The following CSRP3 variants were observed in gnomAD, a reference collection of about 807,000 sequenced individuals.
CSRP3 encodes cysteine and glycine rich protein 3, also known as cysteine and glycine-rich protein 3.
Under a neutral mutation model 24.3 loss-of-function variants are expected in CSRP3, and 24 were observed. The ratio of observed to expected loss-of-function variants is 0.99; its 90% CI spans 0.71 to 1.39. The LOEUF (loss-of-function observed/expected upper bound fraction) is 1.39. Ranked by LOEUF, CSRP3 falls within the 40% of genes most tolerant of loss-of-function variation. The pLI, the probability that CSRP3 is intolerant of heterozygous loss-of-function variation, is 0.00. For missense variants in CSRP3, 240 were observed against 249.0 expected, an observed-to-expected ratio of 0.96 and a Z score of 0.24; for synonymous variants, 105 against 94.0, an observed-to-expected ratio of 1.12 and a Z score of -0.68.
At chr11:19,183,803 C>T (rs1378878093) in intron 5 of CSRP3, among the ~76,000 whole-genome samples, 3 of 152,152 alleles carry the variant, frequency 2.0e-5, no homozygotes, top group Non-Finnish European at 4.4e-5. Flanking sequence ...TGTATCCCCA[C>T]CTAAATCTCA....
chr11:19,185,323 C>A (rs1850507295), intron 4 of CSRP3, among the ~76,000 whole-genome samples: 1 of 152,172 alleles, frequency 6.6e-6, no homozygotes. Context: ...CCAAAAAGAT[C>A]CAAGGAACAA....
chr11:19,188,127 G>A lies in CSRP3; in HGVS notation c.281+9C>T. The A allele has an allele frequency of 6.2e-7, 1 of 1,614,218 alleles. No individual in the cohort carries two copies. The highest frequency in any genetic ancestry group is 8.5e-7 in the Non-Finnish European group (1 of 1,180,024). On this transcript the variant is annotated intron_variant, in intron 3 of 5. Coordinates refer to ENST00000265968, the MANE Select transcript of CSRP3 (RefSeq NM_003476.5). The stretch of plus-strand genomic sequence containing the variant: ...TTAACAGGCAAGGGGGAGCAGGGCA[G>A]TAACTCACTGTTGGAACTGCAGGCC...
rs182330604 is a variant in CSRP3 at position 19,196,127 on chromosome 11, G to A, written c.-28-3651C>T. On this transcript the variant is annotated intron_variant, in intron 1 of 5. Transcript: ENST00000265968. ...AAAATACAAAAATCAGCTGGGCGTG[G>A]TGGCATGCACCTGTAGTCCCAGCTA... 1.5e-3 allele frequency among the ~76,000 whole-genome samples: 231 copies of A among 152,276 alleles called. 2 individuals are homozygous for A. The highest frequency in any genetic ancestry group is 5.2e-3 in the African/African-American group (218 of 41,568).
At chr11:19,188,561 C>G (rs778354841) in intron 2 of CSRP3, among the ~76,000 whole-genome samples, 2 of 151,686 alleles carry the variant, frequency 1.3e-5, no homozygotes, top group East Asian at 3.9e-4. Flanking sequence ...GATATATAGT[C>G]TCAGACCTGC....
intron 4 of CSRP3, among the ~76,000 whole-genome samples, chr11:19,185,386 T>A (rs1850507956): frequency 6.6e-6 from 1 of 152,132 alleles, no homozygotes; most frequent in Admixed American, 6.6e-5. Flanking sequence ...TTATGTTGAG[T>A]ATAAAGTTAC....
At position 19,197,801 on chromosome 11, in the gene CSRP3, A is replaced by G. The variant is rs558324065; in HGVS notation, c.-29+4153T>C. ...TTCAATTGTCTACACTGGCTGAAGC[A>G]AAGATTTTGGATCATAGGAACATAT... On this transcript the variant is annotated intron_variant, in intron 1 of 5. Transcript: ENST00000265968. Among the ~76,000 whole-genome samples, 12 of 121,826 alleles carry G rather than the reference A, an allele frequency of 9.9e-5. No individual in the cohort carries two copies. In the East Asian group the frequency reaches 2.9e-3, roughly 29 times the overall value. The allele number at this position is 121,826 out of a possible 152,430, so 79.9% of individuals were successfully genotyped here. A position where few individuals can be genotyped will look rare whatever the true frequency, so the allele number is the denominator to read the frequency against.
intron 2 of CSRP3, among the ~76,000 whole-genome samples, chr11:19,189,289 T>G (rs1590105007): frequency 6.6e-6 from 1 of 152,154 alleles, no homozygotes; most frequent in South Asian, 2.1e-4. Flanking sequence ...GAGTAGGAGG[T>G]TGTCACCTAG....
intron 5 of CSRP3, among the ~76,000 whole-genome samples, chr11:19,184,241 A>T (rs766761076): frequency 6.6e-6 from 1 of 152,192 alleles, no homozygotes; most frequent in Non-Finnish European, 1.5e-5. Context: ...TTAAGTGATG[A>T]AACTCCACTG....
chr11:19,186,569 G>T (rs961221704), intron 3 of CSRP3, among the ~76,000 whole-genome samples: 1 of 152,202 alleles, frequency 6.6e-6, no homozygotes, highest in Non-Finnish European at 1.5e-5. Context: ...TGTAGTAAGG[G>T]CTAATAAATG....
Position 19,182,334 on chromosome 11 carries a change from C to T in CSRP3, c.*336G>A, listed in dbSNP as rs1362109286. The T allele has an allele frequency of 3.5e-6, 1 of 289,694 alleles. No homozygotes were observed. Among genetic ancestry groups the T allele is most frequent in the African/African-American group, 2.1e-5 (1 of 47,002 alleles). The allele number at this position is 289,694 out of a possible 1,614,324, so 17.9% of individuals were successfully genotyped here. On this transcript the variant is annotated 3_prime_UTR_variant, in exon 6 of 6. Coordinates refer to ENST00000265968, the MANE Select transcript of CSRP3 (RefSeq NM_003476.5). ...AGTTGACATCCAAATTTATTATATG[C>T]TCTGCAACTCGTTTTTTGAACTAGC...
intron 2 of CSRP3, among the ~76,000 whole-genome samples, chr11:19,189,713 CTTTA>C (rs1850585923): frequency 6.6e-6 from 1 of 152,068 alleles, no homozygotes; most frequent in African/African-American, 2.4e-5. Context: ...TATTCTGGGA[CTTTA>C]TTTGACTATT....
chr11:19,183,418 G>A (rs1378148586), intron 5 of CSRP3, among the ~76,000 whole-genome samples: 1 of 151,992 alleles, frequency 6.6e-6, no homozygotes, highest in African/African-American at 2.4e-5. Context: ...CAGCTTAAGT[G>A]TCTTTGTAAT....
At chr11:19,195,021 A>G (rs893515769) in intron 1 of CSRP3, among the ~76,000 whole-genome samples, 3 of 152,080 alleles carry the variant, frequency 2.0e-5, no homozygotes, top group Non-Finnish European at 2.9e-5. Flanking sequence ...GAGACATGCT[A>G]CAGAAACTCA....
intron 1 of CSRP3, among the ~76,000 whole-genome samples, chr11:19,193,415 A>G (rs1850647011): frequency 6.6e-6 from 1 of 152,234 alleles, no homozygotes; most frequent in African/African-American, 2.4e-5. Context: ...GGAGACATTC[A>G]GCTACAAGGA....
intron 4 of CSRP3, 142 bp downstream of exon 4, chr11:19,186,074 G>A (rs1281574947): frequency 3.8e-6 from 4 of 1,055,428 alleles, no homozygotes; most frequent in African/African-American, 1.6e-5. Context: ...TGGGAAAGTG[G>A]CTGAGGATGT....
intron 1 of CSRP3, among the ~76,000 whole-genome samples, chr11:19,199,803 C>A (rs914006181): frequency 4.6e-5 from 7 of 152,212 alleles, no homozygotes; most frequent in Non-Finnish European, 7.3e-5. Context: ...TGTCTCCCTT[C>A]CTGCCATTCT....
chr11:19,191,987 A>G (rs980987113), intron 2 of CSRP3, among the ~76,000 whole-genome samples: 3 of 152,192 alleles, frequency 2.0e-5, no homozygotes, highest in Non-Finnish European at 2.9e-5. Context: ...GGCTTCAGAT[A>G]AGTGCTGGCT....
At chr11:19,184,839 G>A in intron 5 of CSRP3, 113 bp downstream of exon 5, 1 of 829,820 alleles carries the variant, frequency 1.2e-6, no homozygotes, top group Non-Finnish European at 2.1e-6. Context: ...CCCAGGCTGA[G>A]CAGCCATACC....
chr11:19,196,975 G>A (rs1006019933), intron 1 of CSRP3: 3 of 152,182 alleles, frequency 2.0e-5, no homozygotes, highest in Non-Finnish European at 4.4e-5. Context: ...TACCATAGAA[G>A]AGATTATACT....
Sources: gnomAD v4.1 joint callset for allele counts (sites outside exome capture counted in the v4.1 genomes callset) on GRCh38, gnomAD v4.1.1 for gene constraint, MANE v1.5 for transcripts, NCBI Gene and HGNC (gene_info 2026-07-23, HGNC 2026-07-21) for gene names.